FAM167A: variants seen among roughly 807,000 people sequenced by gnomAD.
The protein encoded by FAM167A is protein FAM167A.
In FAM167A, 23 loss-of-function variants were observed where a neutral mutation model predicts 14.9. The observed-to-expected ratio is 1.55, with a 90% CI of 1.11 to 2.19. The LOEUF is 2.19. FAM167A is among the 30% of genes most tolerant of loss of function. FAM167A has a pLI of 0.00. For missense variants in FAM167A, 401 were observed against 281.5 expected (o/e 1.42, Z -3.04); for synonymous variants, 174 against 117.7 (o/e 1.48, Z -3.10).
At chr8:11,437,666 A>G (rs1806121423) in intron 2 of FAM167A, among the ~76,000 whole-genome samples, 1 of 147,840 alleles carries the variant, frequency 6.8e-6, no homozygotes, top group African/African-American at 2.7e-5. Context: ...CTGAATTTCC[A>G]TGGAGGGCTG....
intron 2 of FAM167A, among the ~76,000 whole-genome samples, chr8:11,430,073 C>T (rs1280335364): frequency 6.6e-6 from 1 of 152,228 alleles, no homozygotes; most frequent in Admixed American, 6.5e-5. Context: ...TGACTCAACT[C>T]TCAGTGTGGG....
At position 11,473,555 on chromosome 8, in the gene FAM167A, G is replaced by A. The variant is rs1018815627; in HGVS notation, c.-398+2311C>T. On this transcript the variant is annotated intron_variant, in intron 1 of 1. Transcript: ENST00000648766. ...AAAATCAACTCTAACCCACTGCCAC[G>A]TAGATGTTCAAACAAAAAGAACGCA... 2.6e-5 allele frequency among the ~76,000 whole-genome samples: 4 copies of A among 152,274 alleles called. No individual in the cohort carries two copies. In the South Asian group the frequency reaches 6.2e-4, roughly 24 times the overall value.
chr8:11,460,391 T>C (rs1432691974), intron 1 of FAM167A, among the ~76,000 whole-genome samples: 1 of 152,174 alleles, frequency 6.6e-6, no homozygotes, highest in African/African-American at 2.4e-5. Context: ...ATGACCTCCG[T>C]GCCCTCTTCC....
intron 2 of FAM167A, among the ~76,000 whole-genome samples, chr8:11,431,772 C>T (rs1367036144): frequency 6.6e-6 from 1 of 151,622 alleles, no homozygotes; most frequent in Non-Finnish European, 1.5e-5. Flanking sequence ...GTGATGTTGT[C>T]TCTAGCCTGA....
At chr8:11,462,224 G>C (rs1316953692) in intron 1 of FAM167A, among the ~76,000 whole-genome samples, 3 of 152,236 alleles carry the variant, frequency 2.0e-5, no homozygotes. Flanking sequence ...GAAAGGGATG[G>C]AGCAAGTTAG....
rs79575216 is a variant in FAM167A, at chr8:11,421,655, C to G, written c.*2718G>C. 5.9e-3 allele frequency: 2,351 copies of G among 398,844 alleles called. 20 individuals are homozygous for G. The highest frequency in any genetic ancestry group is 0.031 in the Middle Eastern group (49 of 1,588). The allele number at this position is 398,844 out of a possible 1,614,324, so 24.7% of individuals were successfully genotyped here. Reference sequence around the variant, plus strand: ...TCGGTCAGGCATCGTCAAGCCTGCCCAGGCCCTCCAGGCCTCTTTGATAGC... The same window carrying G: ...TCGGTCAGGCATCGTCAAGCCTGCCGAGGCCCTCCAGGCCTCTTTGATAGC... On this transcript the variant is annotated 3_prime_UTR_variant, in exon 3 of 3. Coordinates refer to ENST00000284486, the MANE Select transcript of FAM167A (RefSeq NM_053279.3).
In FAM167A at chr8:11,445,654, A is replaced by G. The variant is rs561642171; in HGVS notation, c.-397-846T>C. On this transcript the variant is annotated intron_variant, in intron 1 of 2. Coordinates refer to ENST00000284486, the MANE Select transcript of FAM167A (RefSeq NM_053279.3). ...AGGCATAAGCCCCAGCTCCTACCCC[A>G]TAACATCAGACACAGGGTAGAAATC... 1.8e-5 allele frequency: 17 copies of G among 970,692 alleles called. No homozygotes were observed. In the African/African-American group the frequency reaches 2.3e-4, roughly 13 times the overall value. 60.1% of individuals were successfully genotyped at this position (970,692 alleles called of 1,614,324 possible). A position where few individuals can be genotyped will look rare whatever the true frequency, so the allele number is the denominator to read the frequency against.
chr8:11,429,291 A>T (rs1326600211), intron 2 of FAM167A, among the ~76,000 whole-genome samples: 1 of 152,364 alleles, frequency 6.6e-6, no homozygotes, highest in Non-Finnish European at 1.5e-5. Context: ...TTTATAAATT[A>T]ATCTTTTTAG....
At chr8:11,445,395 T>G (rs1806722507) in intron 1 of FAM167A, 1 of 985,576 alleles carries the variant, frequency 1.0e-6, no homozygotes, top group Non-Finnish European at 1.2e-6. Flanking sequence ...GCTCCTAGCT[T>G]CTTCCTCCAA....
Position 11,424,202 on chromosome 8 carries a change from G to A in FAM167A, c.*171C>T, listed in dbSNP as rs1804964695. 2.6e-6 allele frequency: 2 copies of A among 760,572 alleles called. No homozygotes were observed. The highest frequency in any genetic ancestry group is 4.1e-6 in the Non-Finnish European group (2 of 483,556). 47.1% of individuals were successfully genotyped at this position (760,572 alleles called of 1,614,324 possible). ...ACAGAGACACTGGCATCCACACCCAGGGCCCCTGGGTGGGAGAGCACCACT... is the reference window on the plus strand; with the variant it reads ...ACAGAGACACTGGCATCCACACCCAAGGCCCCTGGGTGGGAGAGCACCACT... On this transcript the variant is annotated 3_prime_UTR_variant, in exon 3 of 3. Coordinates refer to ENST00000284486, the MANE Select transcript of FAM167A (RefSeq NM_053279.3).
intron 1 of FAM167A, among the ~76,000 whole-genome samples, chr8:11,461,786 G>T (rs1031059122): frequency 6.6e-6 from 1 of 152,256 alleles, no homozygotes. Flanking sequence ...GATTTGTCCA[G>T]ATGATCTGAT....
At chr8:11,448,754 C>T (rs1024779398) in intron 1 of FAM167A, among the ~76,000 whole-genome samples, 1 of 152,224 alleles carries the variant, frequency 6.6e-6, no homozygotes, top group African/African-American at 2.4e-5. Flanking sequence ...GCCCACGGCT[C>T]GGGGTGTTGG....
intron 2 of FAM167A, among the ~76,000 whole-genome samples, chr8:11,427,888 C>A (rs1805293352): frequency 6.6e-6 from 1 of 152,140 alleles, no homozygotes; most frequent in Admixed American, 6.5e-5. Flanking sequence ...AGAATAGCAC[C>A]AAATTAATGA....
At chr8:11,465,332 C>T (rs755672752) in intron 1 of FAM167A, among the ~76,000 whole-genome samples, 2 of 152,274 alleles carry the variant, frequency 1.3e-5, no homozygotes, top group African/African-American at 2.4e-5. Flanking sequence ...GGGAGTCAGG[C>T]ACGTGAGGCT....
chr8:11,423,973 C>G lies in FAM167A; in HGVS notation c.*400G>C, dbSNP rs527902908. 1 of 210,328 alleles carries G rather than the reference C, an allele frequency of 4.8e-6. No homozygotes were observed. The highest frequency in any genetic ancestry group is 5.2e-5 in the Admixed American group (1 of 19,090). 13.0% of individuals were successfully genotyped at this position (210,328 alleles called of 1,614,324 possible). On this transcript the variant is annotated 3_prime_UTR_variant, in exon 3 of 3. Transcript: ENST00000284486. Reference sequence around the variant, plus strand: ...CTGACATGCCTAATTTCCCCCAAGGCCCTTGCGGGACAGCCTTCTGCAAAA... The same window carrying G: ...CTGACATGCCTAATTTCCCCCAAGGGCCTTGCGGGACAGCCTTCTGCAAAA...
intron 1 of FAM167A, among the ~76,000 whole-genome samples, chr8:11,452,363 G>C (rs1265300491): frequency 3.3e-5 from 5 of 152,250 alleles, no homozygotes; most frequent in Non-Finnish European, 5.9e-5. Flanking sequence ...GACCAGCCCA[G>C]CTGGGCTACA....
intron 1 of FAM167A, among the ~76,000 whole-genome samples, chr8:11,459,485 A>G (rs924111972): frequency 1.1e-4 from 16 of 152,242 alleles, no homozygotes; most frequent in Admixed American, 1.3e-4. Flanking sequence ...TGTTCTGGGC[A>G]GAAGAGGAAG....
At chr8:11,462,847 T>C (rs551520985) in intron 1 of FAM167A, among the ~76,000 whole-genome samples, 2 of 152,352 alleles carry the variant, frequency 1.3e-5, no homozygotes, top group African/African-American at 4.8e-5. Flanking sequence ...CTGGTCAGCA[T>C]TGGGCATTTG....
intron 2 of FAM167A, among the ~76,000 whole-genome samples, chr8:11,426,424 G>A (rs1486425174): frequency 2.6e-5 from 4 of 152,196 alleles, no homozygotes; most frequent in Non-Finnish European, 5.9e-5. Context: ...ACCTCTTTAA[G>A]TATTTTACAG....
Sources: gnomAD v4.1 joint callset for allele counts (sites outside exome capture counted in the v4.1 genomes callset) on GRCh38, gnomAD v4.1.1 for gene constraint, MANE v1.5 for transcripts, NCBI Gene and HGNC (gene_info 2026-07-23, HGNC 2026-07-21) for gene names.